THADA: variants seen among roughly 807,000 people sequenced by gnomAD.
THADA encodes THADA armadillo repeat containing.
In THADA, 213 loss-of-function variants were observed where a neutral mutation model predicts 219.8. That is an observed-to-expected ratio of 0.97 (90% CI 0.87 to 1.09). THADA has a LOEUF of 1.09. Among genes scored for constraint, THADA ranks in the 50% least tolerant of loss-of-function variants. The pLI is 0.00. For synonymous variants in THADA, 1,018 were observed against 828.9 expected, an observed-to-expected ratio of 1.23 and a Z score of -3.92; for missense variants, 2,956 against 2,311.3, an observed-to-expected ratio of 1.28 and a Z score of -5.72.
chr2:43,495,358 T>A (rs1033707003), intron 25 of THADA, among the ~76,000 whole-genome samples: 5 of 151,988 alleles, frequency 3.3e-5, no homozygotes, highest in Admixed American at 1.3e-4. Context: ...TCCCAAGAAA[T>A]AAAATTATTA....
At chr2:43,551,666 A>G (rs1224816773) in intron 19 of THADA, 123 bp downstream of exon 19, 1 of 829,474 alleles carries the variant, frequency 1.2e-6, no homozygotes, top group African/African-American at 1.8e-5. Context: ...AAATAATAAT[A>G]ATTATTTTCT....
At chr2:43,589,427 T>C (rs1235330208) in intron 4 of THADA, among the ~76,000 whole-genome samples, 1 of 152,208 alleles carries the variant, frequency 6.6e-6, no homozygotes, top group Non-Finnish European at 1.5e-5. Flanking sequence ...ATCAAATTTA[T>C]GAACGGAAAG....
chr2:43,417,690 C>G (rs1477515500), intron 28 of THADA, among the ~76,000 whole-genome samples: 3 of 152,176 alleles, frequency 2.0e-5, no homozygotes, highest in Non-Finnish European at 4.4e-5. Context: ...GACACAGCAT[C>G]ATAAACAGAT....
At chr2:43,331,425 G>T (rs138059740) in intron 30 of THADA, among the ~76,000 whole-genome samples, 8 of 152,326 alleles carry the variant, frequency 5.3e-5, no homozygotes, top group African/African-American at 1.9e-4. Context: ...AAGATGTAAA[G>T]CATTTAGTGC....
At chr2:43,498,634 T>C (rs1688564260) in intron 25 of THADA, among the ~76,000 whole-genome samples, 199 bp downstream of exon 25, 1 of 150,954 alleles carries the variant, frequency 6.6e-6, no homozygotes, top group Non-Finnish European at 1.5e-5. Flanking sequence ...AAAAGAAAGA[T>C]GGCTAACAAG....
intron 29 of THADA, among the ~76,000 whole-genome samples, chr2:43,348,176 T>G (rs752126868): frequency 2.8e-4 from 43 of 152,228 alleles, no homozygotes; most frequent in Non-Finnish European, 5.1e-4. Flanking sequence ...GTCATCCTGA[T>G]TTCCATTTTG....
chr2:43,452,541 T>A lies in THADA; in HGVS notation c.3837-22239A>T, dbSNP rs530129125. On this transcript the variant is annotated intron_variant, in intron 26 of 37. Coordinates refer to ENST00000405975, the MANE Select transcript of THADA (RefSeq NM_022065.5). ...AATCTAACTACTGCTGTGCCAGGCA[T>A]CTTCTTAACAAGCAGAGGACACACT... Among the ~76,000 whole-genome samples, 3 of 152,254 alleles carry A rather than the reference T, an allele frequency of 2.0e-5. No individual in the cohort carries two copies. The South Asian group carries it at 6.2e-4, about 32-fold the overall frequency.
chr2:43,555,974 C>A (rs996479639), intron 17 of THADA: 1 of 198,466 alleles, frequency 5.0e-6, no homozygotes, highest in Non-Finnish European at 9.3e-6. Flanking sequence ...TTAATTAAAA[C>A]ATAAACCCTG....
At chr2:43,320,398 T>C in intron 31 of THADA, 48 bp downstream of exon 31, 1 of 1,457,990 alleles carries the variant, frequency 6.9e-7, no homozygotes, top group Non-Finnish European at 9.5e-7. Context: ...CATCCACATT[T>C]CAAAGATGTG....
chr2:43,581,813 T>C lies in THADA; in HGVS notation c.649A>G (p.Lys217Glu). 1.2e-6 allele frequency: 2 copies of C among 1,612,912 alleles called. No individual in the cohort carries two copies. Among genetic ancestry groups the C allele is most frequent in the Non-Finnish European group, 1.7e-6 (2 of 1,179,680 alleles). The part of the protein sequence containing the change: ...KVQDFQGNLW[K>E]TSDSPIWQNM... ...TGCCATATGGGAGAATCGGAAGTCT[T>C]CCAAAGATTTCCCTGGAAATCTTGT... is the stretch of plus-strand genomic sequence containing the variant. Residue 217 changes from lysine to glutamate, a missense_variant, in exon 8 of 38, where the codon AAG (lysine) becomes GAG (glutamate). Coordinates refer to ENST00000405975, the MANE Select transcript of THADA (RefSeq NM_022065.5).
At chr2:43,594,726 T>C (rs1220318359) in intron 1 of THADA, among the ~76,000 whole-genome samples, 4 of 152,222 alleles carry the variant, frequency 2.6e-5, no homozygotes, top group African/African-American at 9.6e-5. Context: ...TACTTCCTGA[T>C]GCTCTTATTC....
intron 30 of THADA, among the ~76,000 whole-genome samples, chr2:43,322,975 C>T (rs577785760): frequency 6.6e-6 from 1 of 152,112 alleles, no homozygotes; most frequent in African/African-American, 2.4e-5. Context: ...CGTGAGCCAC[C>T]GCGCCAGGCT....
chr2:43,264,052 C>T (rs1278104371), intron 36 of THADA, among the ~76,000 whole-genome samples: 1 of 152,202 alleles, frequency 6.6e-6, no homozygotes, highest in East Asian at 1.9e-4. Flanking sequence ...GACAGCTAGC[C>T]TCCATCTAGG....
chr2:43,389,263 T>C (rs1233536574), intron 29 of THADA, among the ~76,000 whole-genome samples: 1 of 152,230 alleles, frequency 6.6e-6, no homozygotes, highest in Non-Finnish European at 1.5e-5. Context: ...CTCCCAGCTT[T>C]TGTGTACTTA....
At chr2:43,359,310 T>C (rs1053514749) in intron 29 of THADA, among the ~76,000 whole-genome samples, 1 of 152,216 alleles carries the variant, frequency 6.6e-6, no homozygotes, top group Non-Finnish European at 1.5e-5. Context: ...ATGGTGATTC[T>C]GTGAGATCTA....
chr2:43,416,581 T>C (rs1391107026), intron 28 of THADA, among the ~76,000 whole-genome samples: 1 of 152,114 alleles, frequency 6.6e-6, no homozygotes, highest in African/African-American at 2.4e-5. Flanking sequence ...AAATGTGGCA[T>C]CTCTTGGGGG....
At chr2:43,522,692 T>TA (rs1364971387) in intron 22 of THADA, among the ~76,000 whole-genome samples, 2 of 152,164 alleles carry the variant, frequency 1.3e-5, no homozygotes, top group Non-Finnish European at 2.9e-5. Context: ...AAAACAGTAA[T>TA]ATCTGACTCA....
intron 36 of THADA, among the ~76,000 whole-genome samples, chr2:43,250,961 A>C (rs1669751369): frequency 6.6e-6 from 1 of 152,162 alleles, no homozygotes; most frequent in Non-Finnish European, 1.5e-5. Flanking sequence ...GGGTGGACAG[A>C]CGAAGGTGAA....
Position 43,230,886 on chromosome 2 carries a change from T to C in THADA, c.*62A>G, listed in dbSNP as rs966679065. 1.3e-6 allele frequency: 2 copies of C among 1,514,478 alleles called. No homozygotes were observed. Among genetic ancestry groups the C allele is most frequent in the African/African-American group, 2.8e-5 (2 of 71,686 alleles). The allele number at this position is 1,514,478 out of a possible 1,614,324, so 93.8% of individuals were successfully genotyped here. ...TTTTTGAATTTATGTTCAACATGTT[T>C]CCTGCAGATTTAGTGGAGGAAAAAT... is the stretch of plus-strand genomic sequence containing the variant. On this transcript the variant is annotated 3_prime_UTR_variant, in exon 38 of 38. Coordinates refer to ENST00000405975, the MANE Select transcript of THADA (RefSeq NM_022065.5).
Sources: gnomAD v4.1 joint callset for allele counts (sites outside exome capture counted in the v4.1 genomes callset) on GRCh38, gnomAD v4.1.1 for gene constraint, MANE v1.5 for transcripts, NCBI Gene and HGNC (gene_info 2026-07-23, HGNC 2026-07-21) for gene names.